CDIN1: variants seen among roughly 807,000 people sequenced by gnomAD.
CDIN1 encodes the protein CDAN1-interacting nuclease 1.
In CDIN1, 33 loss-of-function variants were observed where a neutral mutation model predicts 45.3. That is an observed-to-expected ratio of 0.73 (90% confidence interval 0.55 to 0.97). The LOEUF is 0.97. Among genes scored for constraint, CDIN1 ranks in the 50% least tolerant of loss-of-function variants. The probability of loss-of-function intolerance (pLI) is 0.00; values close to 1 mark genes in which losing one functional copy is unlikely to be tolerated. For missense variants in CDIN1, 303 were observed against 339.4 expected (o/e 0.89, Z 0.84); for synonymous variants, 118 against 124.4 (o/e 0.95, Z 0.34).
In CDIN1 at chr15:36,624,787, T is replaced by G. The variant is rs184753520; in HGVS notation, c.102-19491T>G. On this transcript the variant is annotated intron_variant, in intron 1 of 10. Coordinates refer to ENST00000566621, the MANE Select transcript of CDIN1 (RefSeq NM_001321759.2). ...TTATTTTAATATAACTGAGAATTTATTTGGGAAGAAAGTAGTAAAGATGGT... is the reference window on the plus strand; with the variant it reads ...TTATTTTAATATAACTGAGAATTTAGTTGGGAAGAAAGTAGTAAAGATGGT... Among the ~76,000 whole-genome samples the G allele has an allele frequency of 2.8e-3, 425 of 152,234 alleles. 2 individuals carry two copies. The highest frequency in any genetic ancestry group is 9.7e-3 in the African/African-American group (404 of 41,528).
chr15:36,757,748 G>C (rs1338469638), intron 10 of CDIN1, among the ~76,000 whole-genome samples: 7 of 152,050 alleles, frequency 4.6e-5, no homozygotes, highest in African/African-American at 1.7e-4. Context: ...TGAAGCAGAT[G>C]ATCCTCCTCC....
At chr15:36,806,807 TA>T (rs1398223886) in intron 10 of CDIN1, among the ~76,000 whole-genome samples, 1 of 152,226 alleles carries the variant, frequency 6.6e-6, no homozygotes, top group African/African-American at 2.4e-5. Flanking sequence ...AACCCTCGGT[TA>T]AATGGAAGCA....
At chr15:36,604,185 A>G (rs980861781) in intron 1 of CDIN1, among the ~76,000 whole-genome samples, 4 of 152,176 alleles carry the variant, frequency 2.6e-5, no homozygotes, top group Non-Finnish European at 5.9e-5. Flanking sequence ...ACACACCACT[A>G]TGTGCACTTG....
chr15:36,761,070 A>G (rs2053748019), intron 10 of CDIN1, among the ~76,000 whole-genome samples: 1 of 152,112 alleles, frequency 6.6e-6, no homozygotes, highest in Non-Finnish European at 1.5e-5. Flanking sequence ...TCATTTTATA[A>G]GATACGCCTT....
intron 5 of CDIN1, among the ~76,000 whole-genome samples, chr15:36,664,364 C>T (rs1221334815): frequency 1.3e-5 from 2 of 152,148 alleles, no homozygotes; most frequent in East Asian, 1.9e-4. Context: ...ACATGTGAAC[C>T]CTCATTTGAT....
At chr15:36,600,594 C>G (rs890657715) in intron 1 of CDIN1, among the ~76,000 whole-genome samples, 3 of 152,084 alleles carry the variant, frequency 2.0e-5, no homozygotes, top group African/African-American at 7.2e-5. Context: ...CTAGAGAGAC[C>G]TTCTGCTTTT....
chr15:36,679,583 T>A (rs1044260858), intron 5 of CDIN1, among the ~76,000 whole-genome samples: 3 of 152,210 alleles, frequency 2.0e-5, no homozygotes, highest in Non-Finnish European at 4.4e-5. Flanking sequence ...ATTCTGCATG[T>A]CTTTCCTAGT....
At chr15:36,623,352 G>T (rs941564659) in intron 1 of CDIN1, among the ~76,000 whole-genome samples, 4 of 151,980 alleles carry the variant, frequency 2.6e-5, no homozygotes, top group Non-Finnish European at 4.4e-5. Flanking sequence ...TCTTACTTGA[G>T]ACTGTAATTT....
chr15:36,615,461 A>G (rs922036264), intron 1 of CDIN1, among the ~76,000 whole-genome samples: 1 of 152,234 alleles, frequency 6.6e-6, no homozygotes, highest in African/African-American at 2.4e-5. Flanking sequence ...GAAATAAAGA[A>G]CCAGTCCCTC....
chr15:36,583,818 C>G (rs2140157416), intron 1 of CDIN1, among the ~76,000 whole-genome samples: 1 of 152,242 alleles, frequency 6.6e-6, no homozygotes, highest in South Asian at 2.1e-4. Context: ...AGATCGAGAC[C>G]ATCCTGGCTA....
rs1322994320 is a variant in CDIN1 at position 36,691,552 on chromosome 15, A to G, written c.347-133A>G. On this transcript the variant is annotated intron_variant, in intron 5 of 10. Transcript: ENST00000566621. ...TAAAAGCTTCTGTTAGATTATAGAA[A>G]AAGGAAAAAATGATTAATGCCAGTC... The G allele has an allele frequency of 8.1e-6, 5 of 614,450 alleles. No homozygotes were observed. In the Admixed American group the frequency reaches 1.6e-4, roughly 19 times the overall value. 38.1% of individuals were successfully genotyped at this position (614,450 alleles called of 1,614,324 possible).
chr15:36,727,241 A>G (rs999184821), intron 10 of CDIN1, among the ~76,000 whole-genome samples: 2 of 152,094 alleles, frequency 1.3e-5, no homozygotes, highest in Non-Finnish European at 2.9e-5. Context: ...AGAAGACAAC[A>G]TCATAGCTTT....
At chr15:36,697,278 T>C in intron 7 of CDIN1, 45 bp from the exon 8 acceptor site, 1 of 1,544,644 alleles carries the variant, frequency 6.5e-7, no homozygotes, top group Non-Finnish European at 8.9e-7. Flanking sequence ...GTTTTCCTGC[T>C]GGTATAATTC....
At chr15:36,731,032 G>C (rs1483535236) in intron 10 of CDIN1, among the ~76,000 whole-genome samples, 3 of 151,976 alleles carry the variant, frequency 2.0e-5, no homozygotes, top group African/African-American at 7.2e-5. Context: ...GAGACCCTAA[G>C]GCTTTCACCC....
chr15:36,735,250 AGTTTATTGCATATGTCT>A (rs1250576675), intron 10 of CDIN1, among the ~76,000 whole-genome samples: 3 of 152,202 alleles, frequency 2.0e-5, no homozygotes, highest in African/African-American at 7.2e-5. Context: ...GAATTACGTC[AGTTTATTGCATATGTCT>A]GCATGTACCT....
chr15:36,738,143 GC>G (rs2044099933), intron 10 of CDIN1, among the ~76,000 whole-genome samples: 1 of 151,848 alleles, frequency 6.6e-6, no homozygotes, highest in African/African-American at 2.4e-5. Context: ...TTTTGGCTTG[GC>G]GATTTCATCT....
chr15:36,617,282 G>A (rs1393298418), intron 1 of CDIN1: 7 of 1,085,902 alleles, frequency 6.4e-6, no homozygotes, highest in Non-Finnish European at 1.0e-5. Context: ...GAAGATATAT[G>A]TAAAGAATAT....
At chr15:36,724,829 G>T (rs1004712659) in intron 10 of CDIN1, among the ~76,000 whole-genome samples, 2 of 152,004 alleles carry the variant, frequency 1.3e-5, no homozygotes, top group African/African-American at 4.8e-5. Flanking sequence ...TTTTAGTCTG[G>T]TTGCACTGAA....
chr15:36,704,405 G>A (rs1166372335), intron 8 of CDIN1: 1 of 152,012 alleles, frequency 6.6e-6, no homozygotes, highest in Non-Finnish European at 1.5e-5. Flanking sequence ...ATGCATGCCT[G>A]TTCTGTGTAC....
Sources: gnomAD v4.1 joint callset for allele counts (sites outside exome capture counted in the v4.1 genomes callset) on GRCh38, gnomAD v4.1.1 for gene constraint, MANE v1.5 for transcripts, NCBI Gene and HGNC (gene_info 2026-07-23, HGNC 2026-07-21) for gene names.